The following PLAT variants were observed in gnomAD, a reference collection of about 807,000 sequenced individuals.
PLAT encodes tissue-type plasminogen activator.
PLAT carries 48 observed loss-of-function variants against 74.9 expected under a neutral mutation model. That is an observed-to-expected ratio of 0.64 (90% CI 0.51 to 0.82). The LOEUF (loss-of-function observed/expected upper bound fraction) is 0.82, where lower values mean the gene tolerates loss of function less well. Among genes scored for constraint, PLAT ranks in the 40% least tolerant of loss-of-function variants. The pLI, the probability that PLAT is intolerant of heterozygous loss-of-function variation, is 0.00. For missense variants in PLAT, 673 were observed against 736.2 expected, an observed-to-expected ratio of 0.91 and a Z score of 0.99; for synonymous variants, 307 against 294.4, an observed-to-expected ratio of 1.04 and a Z score of -0.44.
chr8:42,206,395 G>A (rs763715838), intron 1 of PLAT, among the ~76,000 whole-genome samples: 1 of 152,202 alleles, frequency 6.6e-6, no homozygotes. Context: ...GACCGTCATG[G>A]ATTGAGTCTA....
chr8:42,183,382 G>A (rs1264543613), intron 7 of PLAT, among the ~76,000 whole-genome samples: 1 of 152,196 alleles, frequency 6.6e-6, no homozygotes, highest in East Asian at 1.9e-4. Context: ...TGGCTCCCTA[G>A]ATTGCTATGT....
At chr8:42,199,585 G>T (rs1806050087) in intron 1 of PLAT, among the ~76,000 whole-genome samples, 1 of 152,098 alleles carries the variant, frequency 6.6e-6, no homozygotes, top group Admixed American at 6.6e-5. Flanking sequence ...CAGCAGGCAT[G>T]TCCAGCTGTC....
chr8:42,183,486 G>T (rs1805330479), intron 7 of PLAT, among the ~76,000 whole-genome samples: 1 of 152,096 alleles, frequency 6.6e-6, no homozygotes, highest in Non-Finnish European at 1.5e-5. Context: ...AGCCAGTAGG[G>T]GTTTCCTTGT....
At position 42,180,315 on chromosome 8, in the gene PLAT, C is replaced by G. The variant is rs570954622; in HGVS notation, c.1149G>C (p.Glu383Asp). ...GRTYRVVPGE[E>D]EQKFEVEKYI... ...ATTTTTCGACTTCAAATTTCTGCTC[C>G]TCCTCGCCAGGGACCACCCGGTATG... Residue 383 changes from glutamate (E) to aspartate (D), a missense_variant, in exon 11 of 14, where the codon GAG becomes GAC. Glu to Asp is a conservative substitution (Grantham distance 45). Transcript: ENST00000220809. 1 of 1,614,232 alleles carries G rather than the reference C, an allele frequency of 6.2e-7. No individual in the cohort carries two copies. The highest frequency in any genetic ancestry group is 8.5e-7 in the Non-Finnish European group (1 of 1,180,014).
chr8:42,203,907 G>A (rs921181348), intron 1 of PLAT, among the ~76,000 whole-genome samples: 2 of 150,900 alleles, frequency 1.3e-5, no homozygotes, highest in Non-Finnish European at 1.5e-5. Context: ...TGAAGGTTCA[G>A]TGACCTACGA....
chr8:42,184,843 T>C (rs1281272429), intron 7 of PLAT: 2 of 381,610 alleles, frequency 5.2e-6, no homozygotes, highest in African/African-American at 4.1e-5. Context: ...CTCTCCTCCA[T>C]AGAGGAGGAA....
rs141151565 is a variant in PLAT at position 42,176,053 on chromosome 8, C to T, written c.1629G>A (p.Pro543=). The change falls in exon 14 of 14, where the codon CCG becomes CCA. Residue 543 remains proline (P), a synonymous_variant. Coordinates refer to ENST00000220809, the MANE Select transcript of PLAT (RefSeq NM_000930.5). The part of the protein sequence containing the change: ...WGLGCGQKDV[P]GVYTKVTNYL... ...AGTTGGTAACCTTGGTGTACACACC[C>T]GGGACATCCTTCTGTCCACAGCCCA... The T allele has an allele frequency of 1.1e-3, 1,805 of 1,614,018 alleles. 2 individuals carry two copies. The highest frequency in any genetic ancestry group is 1.7e-3 in the South Asian group (152 of 91,076).
At chr8:42,187,818 T>C (rs971551025) in intron 5 of PLAT, 88 bp downstream of exon 5, 1 of 980,152 alleles carries the variant, frequency 1.0e-6, no homozygotes, top group Admixed American at 1.9e-5. Context: ...CCCCTGGCCC[T>C]GCCATCGCAC....
Position 42,187,897 on chromosome 8 carries a change from CCTA to C in PLAT, c.364+6_364+8del. 1 of 1,540,730 alleles carries C rather than the reference CCTA, an allele frequency of 6.5e-7. No individual in the cohort carries two copies. The highest frequency in any genetic ancestry group is 1.1e-5 in the South Asian group (1 of 89,528). On this transcript the variant is annotated splice_donor_region_variant and intron_variant, in intron 5 of 13. Transcript: ENST00000220809. ...TTTCAGCTCGTTTCACGTGCTCTCA[CCTA>C]CTCACCTATTTCACAGCACTTCCCA...
chr8:42,205,345 G>A (rs1268042141), intron 1 of PLAT, among the ~76,000 whole-genome samples: 1 of 152,174 alleles, frequency 6.6e-6, no homozygotes, highest in Non-Finnish European at 1.5e-5. Flanking sequence ...TGGCCAACAT[G>A]GTGAAACCCT....
intron 9 of PLAT, among the ~76,000 whole-genome samples, chr8:42,181,616 G>C (rs572948166): frequency 6.6e-6 from 1 of 152,190 alleles, no homozygotes; most frequent in Non-Finnish European, 1.5e-5. Flanking sequence ...CCATGCATGC[G>C]AGGCCTCCTC....
At chr8:42,206,806 CT>C (rs1445145700) in intron 1 of PLAT, 1 of 152,220 alleles carries the variant, frequency 6.6e-6, no homozygotes, top group Non-Finnish European at 1.5e-5. Context: ...GTTTTTTCCC[CT>C]GTAATTAAAA....
intron 1 of PLAT, among the ~76,000 whole-genome samples, chr8:42,195,917 CCTT>C: frequency 6.6e-6 from 1 of 152,214 alleles, no homozygotes; most frequent in East Asian, 1.9e-4. Flanking sequence ...AGGAACTTGA[CCTT>C]CTTCATCACG....
At chr8:42,202,992 A>G (rs1806193598) in intron 1 of PLAT, among the ~76,000 whole-genome samples, 1 of 152,178 alleles carries the variant, frequency 6.6e-6, no homozygotes, top group African/African-American at 2.4e-5. Context: ...CAGCAGGCAA[A>G]GGTGACAGTC....
At chr8:42,181,748 C>T (rs1388765810) in intron 9 of PLAT, among the ~76,000 whole-genome samples, 189 bp downstream of exon 9, 1 of 151,840 alleles carries the variant, frequency 6.6e-6, no homozygotes, top group African/African-American at 2.4e-5. Flanking sequence ...CCCCACCACC[C>T]CCATGCATGG....
rs572009953 is a variant in PLAT at position 42,202,738 on chromosome 8, G to A, written c.-27+4756C>T. 7.2e-5 allele frequency among the ~76,000 whole-genome samples: 11 copies of A among 152,184 alleles called. No individual in the cohort carries two copies. In the South Asian group the frequency reaches 2.3e-3, roughly 32 times the overall value. On this transcript the variant is annotated intron_variant, in intron 1 of 13. Coordinates refer to ENST00000220809, the MANE Select transcript of PLAT (RefSeq NM_000930.5). ...GTACAGCAGAGCAGCGCCATACCACGCAGCAGGGTGGGGACGGGGGTGGGC... is the reference window on the plus strand; with the variant it reads ...GTACAGCAGAGCAGCGCCATACCACACAGCAGGGTGGGGACGGGGGTGGGC...
At chr8:42,201,610 G>A (rs1170948619) in intron 1 of PLAT, among the ~76,000 whole-genome samples, 6 of 152,094 alleles carry the variant, frequency 3.9e-5, no homozygotes, top group African/African-American at 1.2e-4. Context: ...ATCTGTGTTC[G>A]TAGAACAGTA....
chr8:42,193,316 C>T, intron 1 of PLAT, 105 bp from the exon 2 acceptor site: 1 of 697,358 alleles, frequency 1.4e-6, no homozygotes, highest in South Asian at 1.6e-5. Flanking sequence ...CCTCCAGTGC[C>T]AGCCCCGCGG....
intron 1 of PLAT, among the ~76,000 whole-genome samples, chr8:42,199,880 G>A (rs1343079020): frequency 6.6e-6 from 1 of 152,206 alleles, no homozygotes; most frequent in Non-Finnish European, 1.5e-5. Context: ...CGTGATGAAG[G>A]TCGTTCGTTC....
Sources: allele counts gnomAD v4.1 joint callset (sites outside exome capture counted in the v4.1 genomes callset), GRCh38; gene constraint gnomAD v4.1.1; transcripts MANE v1.5; gene names NCBI Gene and HGNC (gene_info 2026-07-23, HGNC 2026-07-21).